The following ZNF90 variants were observed in gnomAD, a reference collection of about 807,000 sequenced individuals.
ZNF90 encodes the protein zinc finger protein 90.
ZNF90 carries 11 observed loss-of-function variants against 12.0 expected under a neutral mutation model. That is an observed-to-expected ratio of 0.92 (90% CI 0.58 to 1.52). ZNF90 has a LOEUF of 1.52. Ranked by LOEUF, ZNF90 falls within the 40% of genes most tolerant of loss-of-function variation. The pLI is 0.00. For missense variants in ZNF90, 765 were observed against 711.5 expected (o/e 1.08, Z -0.86); for synonymous variants, 232 against 240.1 (o/e 0.97, Z 0.31).
intron 2 of ZNF90, 61 bp downstream of exon 2, chr19:20,104,426 T>G: frequency 6.6e-7 from 1 of 1,523,988 alleles, no homozygotes; most frequent in Non-Finnish European, 8.8e-7. Flanking sequence ...TATGTTTTTT[T>G]GTGGAATGAT....
At chr19:20,100,684 G>GC (rs2088982332) in intron 1 of ZNF90, among the ~76,000 whole-genome samples, 1 of 152,176 alleles carries the variant, frequency 6.6e-6, no homozygotes, top group South Asian at 2.1e-4. Context: ...TTTTCCTCTT[G>GC]AGAGGGGGAT....
Position 20,078,238 on chromosome 19 carries a change from A to G in ZNF90, c.3+103A>G, listed in dbSNP as rs768934856. On this transcript the variant is annotated intron_variant, in intron 1 of 3. Transcript: ENST00000418063. ...AGGCCTCCCCGCAGTCAGCTCCACA[A>G]TCTGCGACCGACTTCTCCTTGCCCA... The G allele has an allele frequency of 6.9e-5, 101 of 1,468,314 alleles. 1 individual carries two copies. The highest frequency in any genetic ancestry group is 8.8e-5 in the Non-Finnish European group (93 of 1,058,008). The allele number at this position is 1,468,314 out of a possible 1,614,324, so 91.0% of individuals were successfully genotyped here.
chr19:20,091,457 A>G (rs904962837), intron 1 of ZNF90, among the ~76,000 whole-genome samples: 1 of 152,188 alleles, frequency 6.6e-6, no homozygotes, highest in Non-Finnish European at 1.5e-5. Flanking sequence ...TCCTTGGTCT[A>G]AGAACCATTT....
chr19:20,106,812 G>A (rs1555704528), intron 3 of ZNF90: 1 of 443,876 alleles, frequency 2.3e-6, no homozygotes. Context: ...TTAGTGTGAT[G>A]AGATGCCCTC....
intron 1 of ZNF90, among the ~76,000 whole-genome samples, chr19:20,085,436 ATTT>A (rs1157956182): frequency 6.7e-6 from 1 of 149,602 alleles, no homozygotes; most frequent in Admixed American, 6.6e-5. Context: ...ATTTTTTTGT[ATTT>A]TTAGTAGAGA....
In ZNF90 at chr19:20,117,951, C is replaced by G; in HGVS notation, c.397C>G (p.Leu133Val). The G allele has an allele frequency of 1.2e-6, 2 of 1,613,468 alleles. No individual in the cohort carries two copies. The highest frequency in any genetic ancestry group is 1.7e-6 in the Non-Finnish European group (2 of 1,179,784). ...AGTACACAAAAGAGGTTATAATGGA[C>G]TTAACCAATGTTTGACAGCTACCCA... ...GKVHKRGYNG[L>V]NQCLTATQSK... Residue 133 changes from leucine to valine, a missense_variant, in exon 4 of 4, where the codon CTT becomes GTT. Physicochemically the swap from Leu to Val is conservative, Grantham distance 32 (BLOSUM62 1). Transcript: ENST00000418063.
chr19:20,083,554 C>G (rs926973084), intron 1 of ZNF90, among the ~76,000 whole-genome samples: 1 of 152,066 alleles, frequency 6.6e-6, no homozygotes, highest in African/African-American at 2.4e-5. Context: ...CTTAAGCTCC[C>G]GACCTCAGGT....
intron 1 of ZNF90, among the ~76,000 whole-genome samples, chr19:20,096,841 C>G (rs2088951277): frequency 6.6e-6 from 1 of 152,176 alleles, no homozygotes; most frequent in African/African-American, 2.4e-5. Context: ...TGTACAGAGC[C>G]ACTGCTCTAA....
intron 3 of ZNF90, among the ~76,000 whole-genome samples, chr19:20,112,619 A>G (rs1258865559): frequency 1.3e-5 from 2 of 151,700 alleles, no homozygotes; most frequent in Admixed American, 6.6e-5. Context: ...AGCATGCACA[A>G]CCTCTTGTAG....
chr19:20,099,156 A>G (rs1301113627), intron 1 of ZNF90, among the ~76,000 whole-genome samples: 3 of 152,064 alleles, frequency 2.0e-5, no homozygotes, highest in African/African-American at 7.2e-5. Flanking sequence ...AGGGCTATTT[A>G]TGAACAGAAG....
rs190971742 is a variant in ZNF90, at chr19:20,095,008, G to A, written c.4-9231G>A. Among the ~76,000 whole-genome samples, 1,001 of 152,152 alleles carry A rather than the reference G, an allele frequency of 6.6e-3. 12 individuals carry two copies. The highest frequency in any genetic ancestry group is 0.021 in the African/African-American group (856 of 41,504). Reference sequence around the variant, plus strand: ...TAGAAGGATTATAGGGTGGAGGAGTGGAGGCTGAGGAAGAATTGGGACTTA... The same window carrying A: ...TAGAAGGATTATAGGGTGGAGGAGTAGAGGCTGAGGAAGAATTGGGACTTA... On this transcript the variant is annotated intron_variant, in intron 1 of 3. Transcript: ENST00000418063.
At position 20,120,536 on chromosome 19, in the gene ZNF90, A is replaced by G. The variant is rs1474573415; in HGVS notation, c.*1176A>G. ...AAACAAATTTTTTTTCAAAAACTAC[A>G]GCTTAGAAAACACCAGAGAGTTGAT... is the stretch of plus-strand genomic sequence containing the variant. On this transcript the variant is annotated 3_prime_UTR_variant, in exon 4 of 4. Coordinates refer to ENST00000418063, the MANE Select transcript of ZNF90 (RefSeq NM_007138.2). Among the ~76,000 whole-genome samples the G allele has an allele frequency of 6.6e-6, 1 of 152,220 alleles. No individual in the cohort carries two copies. The highest frequency in any genetic ancestry group is 1.5e-5 in the Non-Finnish European group (1 of 68,032).
intron 1 of ZNF90, among the ~76,000 whole-genome samples, chr19:20,083,899 G>A (rs150850189): frequency 1.6e-4 from 25 of 152,044 alleles, no homozygotes; most frequent in Non-Finnish European, 2.9e-4. Flanking sequence ...ACACATTTGC[G>A]TTACCACCCC....
chr19:20,090,024 T>C (rs2088889842), intron 1 of ZNF90, among the ~76,000 whole-genome samples: 1 of 152,026 alleles, frequency 6.6e-6, no homozygotes, highest in South Asian at 2.1e-4. Context: ...GTTGGAAGTA[T>C]TGGAGGGTGC....
rs1170191821 is a variant in ZNF90 at position 20,079,450 on chromosome 19, A to G, written c.3+1315A>G. On this transcript the variant is annotated intron_variant, in intron 1 of 3. Coordinates refer to ENST00000418063, the MANE Select transcript of ZNF90 (RefSeq NM_007138.2). Reference sequence around the variant, plus strand: ...TTTGTAAAATAAAAACGTTAGATTTATGGAAAAAAATGAATTCCAAAAACA... The same window carrying G: ...TTTGTAAAATAAAAACGTTAGATTTGTGGAAAAAAATGAATTCCAAAAACA... 2.0e-5 allele frequency among the ~76,000 whole-genome samples: 3 copies of G among 152,080 alleles called. No homozygotes were observed. The East Asian group carries it at 5.8e-4, about 29-fold the overall frequency.
chr19:20,100,687 A>T (rs2088982393), intron 1 of ZNF90, among the ~76,000 whole-genome samples: 1 of 152,122 alleles, frequency 6.6e-6, no homozygotes, highest in South Asian at 2.1e-4. Context: ...TCCTCTTGAG[A>T]GGGGGATGAC....
chr19:20,118,761 G>T lies in ZNF90; in HGVS notation c.1207G>T (p.Gly403Cys), dbSNP rs2089167970. ...EKKPYKCEEC[G>C]KAFKRSSTLT... ...GAAACCCTACAAATGTGAAGAATGT[G>T]GCAAAGCCTTCAAGCGCTCCTCAAC... The change falls in exon 4 of 4, where the codon GGC becomes TGC. Residue 403 changes from glycine (G) to cysteine (C), a missense_variant. Coordinates refer to ENST00000418063, the MANE Select transcript of ZNF90 (RefSeq NM_007138.2). 6.2e-7 allele frequency: 1 copy of T among 1,608,740 alleles called. No homozygotes were observed. Among genetic ancestry groups the T allele is most frequent in the Non-Finnish European group, 8.5e-7 (1 of 1,177,478 alleles).
chr19:20,081,922 C>T (rs947168796), intron 1 of ZNF90, among the ~76,000 whole-genome samples: 1 of 151,934 alleles, frequency 6.6e-6, no homozygotes, highest in African/African-American at 2.4e-5. Flanking sequence ...GTGCCACTAC[C>T]CCCGGCTAAT....
intron 1 of ZNF90, among the ~76,000 whole-genome samples, chr19:20,102,922 A>G (rs782301843): frequency 6.6e-6 from 1 of 152,242 alleles, no homozygotes; most frequent in African/African-American, 2.4e-5. Flanking sequence ...TACAGAACAT[A>G]GGAGTTATCT....
Sources: allele counts gnomAD v4.1 joint callset (sites outside exome capture counted in the v4.1 genomes callset), GRCh38; gene constraint gnomAD v4.1.1; transcripts MANE v1.5; gene names NCBI Gene and HGNC (gene_info 2026-07-23, HGNC 2026-07-21).